Variants in ATF7IP observed in about 807,000 individuals in gnomAD.
ATF7IP encodes the protein activating transcription factor 7-interacting protein 1.
A neutral mutation model predicts 106.4 loss-of-function variants in ATF7IP; 23 were observed. That is an observed-to-expected ratio of 0.22 (90% CI 0.16 to 0.31). The LOEUF is 0.31. Ranked by LOEUF, ATF7IP falls within the 10% of genes least tolerant of loss-of-function variation. The pLI is 1.00. For synonymous variants in ATF7IP, 542 were observed against 539.0 expected (o/e 1.01, Z -0.08); for missense variants, 1,334 against 1,524.3 (o/e 0.88, Z 2.08).
intron 10 of ATF7IP, 24 bp downstream of exon 10, chr12:14,466,614 A>C: frequency 6.5e-7 from 1 of 1,549,164 alleles, no homozygotes; most frequent in Non-Finnish European, 8.8e-7. Flanking sequence ...TTCTTCTTCA[A>C]AGTAAAATCC....
intron 1 of ATF7IP, chr12:14,369,035 C>G (rs1591747547): frequency 1.3e-5 from 2 of 151,476 alleles, no homozygotes; most frequent in South Asian, 4.2e-4. Context: ...ACTGCAGCCT[C>G]GACCTCCCAG....
intron 1 of ATF7IP, among the ~76,000 whole-genome samples, chr12:14,401,924 G>T (rs1288627370): frequency 6.6e-6 from 1 of 150,890 alleles, no homozygotes; most frequent in Non-Finnish European, 1.5e-5. Flanking sequence ...TTGTTGTCCA[G>T]GCTGGTCTCT....
chr12:14,392,544 A>G (rs979913878), intron 1 of ATF7IP, among the ~76,000 whole-genome samples: 1 of 152,212 alleles, frequency 6.6e-6, no homozygotes, highest in African/African-American at 2.4e-5. Context: ...ATTATTTGCC[A>G]GGTACTGTTT....
At chr12:14,426,781 G>A (rs912869555) in intron 2 of ATF7IP, among the ~76,000 whole-genome samples, 18 of 128,116 alleles carry the variant, frequency 1.4e-4, no homozygotes, top group East Asian at 1.2e-3. Context: ...AGCCGAGATC[G>A]CGCCACTACT....
At chr12:14,478,683 A>G (rs767699212) in intron 12 of ATF7IP, among the ~76,000 whole-genome samples, 3 of 152,246 alleles carry the variant, frequency 2.0e-5, no homozygotes, top group Admixed American at 6.5e-5. Flanking sequence ...AGAAAAGTAT[A>G]TATTTATTTA....
chr12:14,460,410 T>C (rs1333499395), intron 8 of ATF7IP, 85 bp from the exon 9 acceptor site: 1 of 1,314,738 alleles, frequency 7.6e-7, no homozygotes, highest in African/African-American at 1.5e-5. Flanking sequence ...TATTACGCAA[T>C]GTATTTAATT....
rs116316997 is a variant in ATF7IP at position 14,449,929 on chromosome 12, G to T, written c.1995+2876G>T. Among the ~76,000 whole-genome samples, 325 of 151,882 alleles carry T rather than the reference G, an allele frequency of 2.1e-3. 1 individual carries two copies. The highest frequency in any genetic ancestry group is 7.6e-3 in the African/African-American group (315 of 41,446). ...TTTCTCCCTTTAAGTGTATTCCTAAGTATTTTATTCTTTTCGATGCTATTA... is the reference window on the plus strand; with the variant it reads ...TTTCTCCCTTTAAGTGTATTCCTAATTATTTTATTCTTTTCGATGCTATTA... On this transcript the variant is annotated intron_variant, in intron 6 of 14. Transcript: ENST00000261168.
At chr12:14,403,514 T>C (rs1940377476) in intron 1 of ATF7IP, among the ~76,000 whole-genome samples, 1 of 152,198 alleles carries the variant, frequency 6.6e-6, no homozygotes, top group African/African-American at 2.4e-5. Flanking sequence ...ATTTATTGAA[T>C]TGATTGTTGT....
intron 1 of ATF7IP, chr12:14,420,301 G>GGGA (rs1941429508): frequency 6.6e-6 from 1 of 152,112 alleles, no homozygotes; most frequent in Non-Finnish European, 1.5e-5. Flanking sequence ...TATCTATATA[G>GGGA]GGAGGACAGA....
At chr12:14,465,984 G>A (rs892914825) in intron 9 of ATF7IP, 3 of 151,934 alleles carry the variant, frequency 2.0e-5, no homozygotes, top group African/African-American at 7.3e-5. Flanking sequence ...AATATACTTT[G>A]TTTATTTTCT....
intron 1 of ATF7IP, among the ~76,000 whole-genome samples, chr12:14,377,246 C>A (rs574277430): frequency 6.6e-6 from 1 of 151,928 alleles, no homozygotes; most frequent in Non-Finnish European, 1.5e-5. Flanking sequence ...CTGCCTGCTT[C>A]GGCCTCCCAA....
At chr12:14,403,915 C>T (rs1271310362) in intron 1 of ATF7IP, among the ~76,000 whole-genome samples, 1 of 152,092 alleles carries the variant, frequency 6.6e-6, no homozygotes, top group Non-Finnish European at 1.5e-5. Context: ...AGTCTTGTGG[C>T]TATAACTGAA....
intron 1 of ATF7IP, among the ~76,000 whole-genome samples, 159 bp downstream of exon 1, chr12:14,365,986 C>A (rs1026594553): frequency 6.6e-6 from 1 of 152,172 alleles, no homozygotes; most frequent in Non-Finnish European, 1.5e-5. Flanking sequence ...CGTGATCTTG[C>A]GGGGTCGGGC....
rs1404012940 is a variant in ATF7IP at position 14,395,012 on chromosome 12, T to C, written c.-7-28897T>C. The C allele has an allele frequency of 5.9e-5, 9 of 152,288 alleles. No homozygotes were observed. The East Asian group carries it at 1.7e-3, about 29-fold the overall frequency. 9.4% of individuals were successfully genotyped at this position (152,288 alleles called of 1,614,324 possible). ...GACGTTTTTTGGCTTTTGTGGTAAATGGGATGTATGCTGCACAAACTACCC... is the reference window on the plus strand; with the variant it reads ...GACGTTTTTTGGCTTTTGTGGTAAACGGGATGTATGCTGCACAAACTACCC... On this transcript the variant is annotated intron_variant, in intron 1 of 14. Transcript: ENST00000261168.
intron 1 of ATF7IP, chr12:14,395,231 C>T (rs1939770351): frequency 6.6e-6 from 1 of 152,020 alleles, no homozygotes; most frequent in Admixed American, 6.6e-5. Context: ...AAGTCCTTTT[C>T]ACAGTGTCAA....
intron 3 of ATF7IP, among the ~76,000 whole-genome samples, chr12:14,435,686 A>C (rs1942371288): frequency 6.6e-6 from 1 of 152,238 alleles, no homozygotes; most frequent in Non-Finnish European, 1.5e-5. Context: ...TACGGAGGAA[A>C]AAGAATAAAT....
At chr12:14,375,794 A>G (rs902030163) in intron 1 of ATF7IP, among the ~76,000 whole-genome samples, 6 of 152,204 alleles carry the variant, frequency 3.9e-5, no homozygotes, top group East Asian at 3.9e-4. Flanking sequence ...GCTTTAATCA[A>G]TTGGTGAATC....
intron 13 of ATF7IP, among the ~76,000 whole-genome samples, chr12:14,494,914 C>A (rs1304658821): frequency 8.7e-6 from 1 of 115,106 alleles, no homozygotes; most frequent in African/African-American, 3.4e-5. Flanking sequence ...GCCTGGGCAA[C>A]AGAGCCAGAC....
intron 1 of ATF7IP, among the ~76,000 whole-genome samples, chr12:14,403,790 AT>A (rs1258320346): frequency 6.6e-6 from 1 of 151,436 alleles, no homozygotes; most frequent in Non-Finnish European, 1.5e-5. Context: ...CCTCCTTTTT[AT>A]TTTTTTTAAT....
Sources: allele counts gnomAD v4.1 joint callset (sites outside exome capture counted in the v4.1 genomes callset), GRCh38; gene constraint gnomAD v4.1.1; transcripts MANE v1.5; gene names NCBI Gene and HGNC (gene_info 2026-07-23, HGNC 2026-07-21).